Variants in ANO6 observed in about 807,000 individuals in gnomAD.
The protein encoded by ANO6 is anoctamin-6.
In ANO6, 106 loss-of-function variants were observed where a neutral mutation model predicts 117.5. The ratio of observed to expected loss-of-function variants is 0.90; its 90% CI spans 0.77 to 1.06. ANO6 has a LOEUF of 1.06. ANO6 is among the 50% of genes least tolerant of loss of function. The pLI, the probability that ANO6 is intolerant of heterozygous loss-of-function variation, is 0.00. For synonymous variants in ANO6, 367 were observed against 385.1 expected (o/e 0.95, Z 0.55); for missense variants, 955 against 1,121.1 (o/e 0.85, Z 2.12).
chr12:45,393,554 A>G (rs1942516883), intron 12 of ANO6, among the ~76,000 whole-genome samples: 1 of 152,224 alleles, frequency 6.6e-6, no homozygotes. Context: ...CAGATTCACC[A>G]AGGTTGAAAT....
intron 9 of ANO6, among the ~76,000 whole-genome samples, chr12:45,374,221 A>C (rs1474063330): frequency 7.9e-5 from 9 of 113,682 alleles, no homozygotes; most frequent in Non-Finnish European, 1.8e-5. Context: ...ATAGCTTACC[A>C]ACCAAAAAGA....
chr12:45,352,389 A>T (rs371117281), intron 7 of ANO6, among the ~76,000 whole-genome samples: 1 of 151,834 alleles, frequency 6.6e-6, no homozygotes, highest in African/African-American at 2.4e-5. Context: ...ATTAGCTTCT[A>T]TTTCTAAATA....
rs116723871 is a variant in ANO6 at position 45,245,230 on chromosome 12, A to G, written c.70+28839A>G. The stretch of plus-strand genomic sequence containing the variant: ...CTGGTAATGGAGTTCTGTAAGCCAC[A>G]TAAATGAAAATGGGAAATGGGTACA... On this transcript the variant is annotated intron_variant, in intron 1 of 19. Transcript: ENST00000320560. 9.5e-3 allele frequency among the ~76,000 whole-genome samples: 1,447 copies of G among 152,370 alleles called. 25 individuals carry two copies. Among genetic ancestry groups the G allele is most frequent in the African/African-American group, 0.033 (1,362 of 41,590 alleles).
intron 1 of ANO6, among the ~76,000 whole-genome samples, chr12:45,250,317 G>A (rs1235620565): frequency 6.6e-6 from 1 of 152,134 alleles, no homozygotes; most frequent in Non-Finnish European, 1.5e-5. Context: ...TCTCCAAATA[G>A]TAATTCTTTC....
intron 1 of ANO6, among the ~76,000 whole-genome samples, chr12:45,277,357 A>C (rs1480463834): frequency 6.6e-6 from 1 of 152,192 alleles, no homozygotes; most frequent in Non-Finnish European, 1.5e-5. Context: ...CTTTTACCCA[A>C]TTGTAAATCT....
intron 1 of ANO6, among the ~76,000 whole-genome samples, chr12:45,259,799 A>G (rs1937961686): frequency 6.6e-6 from 1 of 152,256 alleles, no homozygotes; most frequent in African/African-American, 2.4e-5. Context: ...AAAGTAAGAG[A>G]TAAATATGTG....
chr12:45,223,933 T>C (rs1011440058), intron 1 of ANO6, among the ~76,000 whole-genome samples: 2 of 152,308 alleles, frequency 1.3e-5, no homozygotes, highest in African/African-American at 4.8e-5. Flanking sequence ...ATTAACATAA[T>C]GCCTAGTGGT....
At chr12:45,301,185 T>A (rs2137304269) in intron 1 of ANO6, among the ~76,000 whole-genome samples, 2 of 152,296 alleles carry the variant, frequency 1.3e-5, no homozygotes, top group African/African-American at 4.8e-5. Context: ...CAAATGATAA[T>A]TAGGGTAGTA....
chr12:45,388,223 G>A lies in ANO6; in HGVS notation c.1228G>A (p.Val410Ile), dbSNP rs768557180. The A allele has an allele frequency of 1.9e-6, 3 of 1,614,004 alleles. No homozygotes were observed. Among genetic ancestry groups the A allele is most frequent in the Non-Finnish European group, 2.5e-6 (3 of 1,180,002 alleles). Residue 410 changes from valine (V) to isoleucine (I), a missense_variant, in exon 11 of 20, where the codon GTT becomes ATT. Coordinates refer to ENST00000320560, the MANE Select transcript of ANO6 (RefSeq NM_001025356.3). ...AGAACTTGAGTATGAATGGGATACTGTTGAGTTACAGCAGGAAGAACAAGC... is the reference window on the plus strand; with the variant it reads ...AGAACTTGAGTATGAATGGGATACTATTGAGTTACAGCAGGAAGAACAAGC... ...QAELEYEWDT[V>I]ELQQEEQARP...
chr12:45,334,045 G>A (rs1232997004), intron 3 of ANO6, among the ~76,000 whole-genome samples: 2 of 151,954 alleles, frequency 1.3e-5, no homozygotes, highest in Non-Finnish European at 2.9e-5. Flanking sequence ...ATCATCCTTT[G>A]AGCAAAAAGA....
At chr12:45,300,470 G>T (rs576023489) in intron 1 of ANO6, among the ~76,000 whole-genome samples, 40 of 152,258 alleles carry the variant, frequency 2.6e-4, no homozygotes, top group African/African-American at 9.6e-4. Context: ...GAGTTATCAT[G>T]CCCAGCCAAA....
intron 2 of ANO6, among the ~76,000 whole-genome samples, chr12:45,320,818 T>C (rs1940238896): frequency 6.6e-6 from 1 of 152,206 alleles, no homozygotes; most frequent in South Asian, 2.1e-4. Flanking sequence ...TGGGTGGATA[T>C]ATATTTAGGA....
In ANO6 at chr12:45,255,818, G is replaced by GTTTTTTTGT. The variant is rs1555161289; in HGVS notation, c.70+39434_70+39435insGTTTTTTTT. Among the ~76,000 whole-genome samples, 413 of 81,700 alleles carry GTTTTTTTGT rather than the reference G, an allele frequency of 5.1e-3. 14 individuals carry two copies. The highest frequency in any genetic ancestry group is 0.018 in the African/African-American group (403 of 22,246). 53.6% of individuals were successfully genotyped at this position (81,700 alleles called of 152,430 possible). A position where few individuals can be genotyped will look rare whatever the true frequency, so the allele number is the denominator to read the frequency against. ...CTGGCCCCAGGTTTTCTCCCTGGGT[G>GTTTTTTTGT]TTTTTTTTTTTTTTTTTTTTGAGAC... is the stretch of plus-strand genomic sequence containing the variant. On this transcript the variant is annotated intron_variant, in intron 1 of 19. Coordinates refer to ENST00000320560, the MANE Select transcript of ANO6 (RefSeq NM_001025356.3).
exon 20 of ANO6, chr12:45,440,130 T>A: frequency 2.1e-6 from 1 of 472,972 alleles, no homozygotes; most frequent in Non-Finnish European, 3.4e-6. Flanking sequence ...TTTTTTGTTG[T>A]TGCTATTATT....
At chr12:45,329,541 C>T (rs1237442246) in intron 2 of ANO6, among the ~76,000 whole-genome samples, 4 of 152,106 alleles carry the variant, frequency 2.6e-5, no homozygotes, top group Non-Finnish European at 1.5e-5. Flanking sequence ...GGGAAGAGTG[C>T]CTGGAGCCAT....
At position 45,429,727 on chromosome 12, in the gene ANO6, G is replaced by T. The variant is rs1943590901; in HGVS notation, c.*416G>T. The T allele has an allele frequency of 2.8e-6, 3 of 1,055,680 alleles. No individual in the cohort carries two copies. Among genetic ancestry groups the T allele is most frequent in the South Asian group, 3.2e-5 (1 of 31,682 alleles). 65.4% of individuals were successfully genotyped at this position (1,055,680 alleles called of 1,614,324 possible). ...CTTCACTTGGCTAGATCTGTTCCAG[G>T]GTCATCTTTTCCTTACAGTACCATC... On this transcript the variant is annotated 3_prime_UTR_variant, in exon 20 of 20. Coordinates refer to ENST00000320560, the MANE Select transcript of ANO6 (RefSeq NM_001025356.3).
At chr12:45,347,886 T>C in intron 4 of ANO6, 142 bp from the exon 5 acceptor site, 2 of 787,844 alleles carry the variant, frequency 2.5e-6, no homozygotes, top group Non-Finnish European at 3.9e-6. Flanking sequence ...TTTGCAAATC[T>C]GTTTTTATTG....
In ANO6 at chr12:45,251,873, C is replaced by G. The variant is rs182199434; in HGVS notation, c.70+35482C>G. Among the ~76,000 whole-genome samples the G allele has an allele frequency of 1.5e-3, 228 of 152,324 alleles. 1 individual carries two copies. Among genetic ancestry groups the G allele is most frequent in the African/African-American group, 4.8e-3 (201 of 41,570 alleles). On this transcript the variant is annotated intron_variant, in intron 1 of 19. Coordinates refer to ENST00000320560, the MANE Select transcript of ANO6 (RefSeq NM_001025356.3). ...AACCCTTGACAAGTTGAAAAGACAG[C>G]CTTCTGCCCTCTGAGTGAATACTGA... is the stretch of plus-strand genomic sequence containing the variant.
chr12:45,221,065 G>GGGT (rs1947390700), intron 1 of ANO6, among the ~76,000 whole-genome samples: 1 of 151,648 alleles, frequency 6.6e-6, no homozygotes, highest in African/African-American at 2.4e-5. Context: ...GAAGTGGGGG[G>GGGT]GGGCAGCCTT....
Sources: gnomAD v4.1 joint callset for allele counts (sites outside exome capture counted in the v4.1 genomes callset) on GRCh38, gnomAD v4.1.1 for gene constraint, MANE v1.5 for transcripts, NCBI Gene and HGNC (gene_info 2026-07-23, HGNC 2026-07-21) for gene names.